Variants in MICAL3 observed in about 807,000 individuals in gnomAD.
MICAL3 encodes [F-actin]-monooxygenase MICAL3.
Under a neutral mutation model 207.4 loss-of-function variants are expected in MICAL3, and 62 were observed. The ratio of observed to expected loss-of-function variants is 0.30; its 90% CI spans 0.24 to 0.37. MICAL3 has a LOEUF of 0.37. Among genes scored for constraint, MICAL3 ranks in the 10% least tolerant of loss-of-function variants. The probability of loss-of-function intolerance (pLI) is 1.00; values close to 1 mark genes in which losing one functional copy is unlikely to be tolerated. For missense variants in MICAL3, 2,368 were observed against 2,635.6 expected, an observed-to-expected ratio of 0.90 and a Z score of 2.22; for synonymous variants, 1,077 against 1,069.3, an observed-to-expected ratio of 1.01 and a Z score of -0.14.
At position 17,999,550 on chromosome 22, in the gene MICAL3, C is replaced by G. The variant is rs1029180193; in HGVS notation, c.-75+24731G>C. ...TGTTTATTGAACATCTGCTACGTGC[C>G]AAGGACTGTGCTAAGTTCTTCACGT... On this transcript the variant is annotated intron_variant, in intron 1 of 31. Coordinates refer to ENST00000441493, the MANE Select transcript of MICAL3 (RefSeq NM_015241.3). Among the ~76,000 whole-genome samples the G allele has an allele frequency of 7.2e-5, 11 of 152,174 alleles. 1 individual carries two copies. The highest frequency in any genetic ancestry group is 2.4e-4 in the African/African-American group (10 of 41,430).
chr22:17,795,429 A>C (rs895011056), intron 29 of MICAL3, among the ~76,000 whole-genome samples: 1 of 152,230 alleles, frequency 6.6e-6, no homozygotes, highest in Non-Finnish European at 1.5e-5. Flanking sequence ...ATACACAACC[A>C]AACACATCCA....
At chr22:17,938,767 A>G (rs569587331) in intron 1 of MICAL3, among the ~76,000 whole-genome samples, 1 of 152,292 alleles carries the variant, frequency 6.6e-6, no homozygotes, top group East Asian at 1.9e-4. Flanking sequence ...TCCTGGCTCA[A>G]GCTGACATCT....
rs761586616 is a variant in MICAL3 at position 17,821,557 on chromosome 22, G to T, written c.3449-48C>A. ...CTTACAAGAGGAAGCCCCCCCATGT[G>T]CCAGGAAGGCACCCCTATCAGCCAG... On this transcript the variant is annotated intron_variant, in intron 24 of 31. Coordinates refer to ENST00000441493, the MANE Select transcript of MICAL3 (RefSeq NM_015241.3). The T allele has an allele frequency of 5.5e-6, 8 of 1,463,582 alleles. No individual in the cohort carries two copies. In the South Asian group the frequency reaches 8.9e-5, roughly 16 times the overall value. 90.7% of individuals were successfully genotyped at this position (1,463,582 alleles called of 1,614,324 possible).
Position 17,896,851 on chromosome 22 carries a change from T to C in MICAL3, c.1079A>G (p.His360Arg). 6.2e-7 allele frequency: 1 copy of C among 1,614,152 alleles called. No homozygotes were observed. Among genetic ancestry groups the C allele is most frequent in the African/African-American group, 1.3e-5 (1 of 75,042 alleles). Residue 360 changes from histidine (H) to arginine (R), a missense_variant, in exon 8 of 32, where the codon CAC becomes CGC. His to Arg is a conservative substitution (Grantham distance 29, BLOSUM62 0). This residue lies in a region of MICAL3 where 400 missense variants were observed against 547.0 expected (regional missense o/e 0.73). Transcript: ENST00000441493. ...CATGGCCACATCGGGCTGCCCATAGTGATTGATGGCAAAATCCAGAGACGG... is the reference window on the plus strand; with the variant it reads ...CATGGCCACATCGGGCTGCCCATAGCGATTGATGGCAAAATCCAGAGACGG... ...QLPSLDFAIN[H>R]YGQPDVAMFD...
chr22:17,951,845 C>T lies in MICAL3; in HGVS notation c.-74-44959G>A, dbSNP rs181182094. 9.2e-5 allele frequency among the ~76,000 whole-genome samples: 14 copies of T among 151,958 alleles called. No individual in the cohort carries two copies. In the East Asian group the frequency reaches 1.9e-3, roughly 21 times the overall value. ...CTGAGTAGCTGGGATTACAGGCGCCCGCCACCACACCCGGTTAATTTTTGT... is the reference window on the plus strand; with the variant it reads ...CTGAGTAGCTGGGATTACAGGCGCCTGCCACCACACCCGGTTAATTTTTGT... On this transcript the variant is annotated intron_variant, in intron 1 of 31. Coordinates refer to ENST00000441493, the MANE Select transcript of MICAL3 (RefSeq NM_015241.3).
intron 1 of MICAL3, among the ~76,000 whole-genome samples, chr22:17,948,429 G>A (rs1329028575): frequency 6.6e-6 from 1 of 152,148 alleles, no homozygotes; most frequent in Non-Finnish European, 1.5e-5. Context: ...TGCCAAGGTG[G>A]CAGTGCTCTC....
intron 22 of MICAL3, among the ~76,000 whole-genome samples, chr22:17,826,771 A>G (rs932963783): frequency 6.6e-6 from 1 of 152,362 alleles, no homozygotes; most frequent in Middle Eastern, 3.4e-3. Context: ...TCCCCAGCTC[A>G]CAGGCCAGCC....
intron 1 of MICAL3, among the ~76,000 whole-genome samples, chr22:17,976,702 CT>C (rs35552062): frequency 0.17 from 24,887 of 145,970 alleles, 2,473 homozygotes; most frequent in Middle Eastern, 0.27. Flanking sequence ...TTAGTTTCTG[CT>C]TTCAAAGGAT....
Position 17,945,611 on chromosome 22 carries a change from C to T in MICAL3, c.-74-38725G>A, listed in dbSNP as rs115005891. Among the ~76,000 whole-genome samples, 510 of 152,292 alleles carry T rather than the reference C, an allele frequency of 3.3e-3. 4 individuals carry two copies. The highest frequency in any genetic ancestry group is 0.011 in the African/African-American group (475 of 41,562). On this transcript the variant is annotated intron_variant, in intron 1 of 31. Transcript: ENST00000441493. ...GATGTGGAGAGCAAGGGGTAACACGCGCCCTACTGCCCAGGGAGGGGAGGG... is the reference window on the plus strand; with the variant it reads ...GATGTGGAGAGCAAGGGGTAACACGTGCCCTACTGCCCAGGGAGGGGAGGG...
At chr22:17,826,364 C>T in intron 22 of MICAL3, 1 of 755,764 alleles carries the variant, frequency 1.3e-6, no homozygotes, top group Non-Finnish European at 1.6e-6. Context: ...GCACTTGCAA[C>T]AGGCCCAGGA....
chr22:17,798,982 C>A (rs2061908750), intron 29 of MICAL3, among the ~76,000 whole-genome samples: 1 of 152,128 alleles, frequency 6.6e-6, no homozygotes, highest in African/African-American at 2.4e-5. Context: ...CAGAGCAATG[C>A]CTTTTTATTG....
chr22:17,804,843 T>G (rs1428528364), intron 29 of MICAL3, among the ~76,000 whole-genome samples: 1 of 152,224 alleles, frequency 6.6e-6, no homozygotes, highest in Non-Finnish European at 1.5e-5. Flanking sequence ...AATGCGGTCC[T>G]GCCCCAGTTT....
In MICAL3 at chr22:17,841,422, C is replaced by T. The variant is rs2146072906; in HGVS notation, c.2801+400G>A. 2.8e-6 allele frequency: 1 copy of T among 352,288 alleles called. No homozygotes were observed. Among genetic ancestry groups the T allele is most frequent in the Non-Finnish European group, 5.2e-6 (1 of 193,000 alleles). The allele number at this position is 352,288 out of a possible 1,614,324, so 21.8% of individuals were successfully genotyped here. A position where few individuals can be genotyped will look rare whatever the true frequency, so the allele number is the denominator to read the frequency against. On this transcript the variant is annotated intron_variant, in intron 20 of 31. Coordinates refer to ENST00000441493, the MANE Select transcript of MICAL3 (RefSeq NM_015241.3). This position sits in a 1 kb window ranked among gnomAD's most constrained non-coding sequence, Gnocchi z 4.2. ...TTTACCTACAGGAGAAAAAAAGATG[C>T]CTGGGGGACGGACTAGGCCTCCCTC...
At chr22:17,862,943 AC>A (rs1926675631) in intron 19 of MICAL3, 1 of 984,668 alleles carries the variant, frequency 1.0e-6, no homozygotes, top group African/African-American at 1.8e-5. Flanking sequence ...ATACCAAGTC[AC>A]CTTCTGGCTC....
chr22:17,886,625 T>C (rs1929892419), intron 15 of MICAL3, among the ~76,000 whole-genome samples: 1 of 151,770 alleles, frequency 6.6e-6, no homozygotes, highest in South Asian at 2.1e-4. Flanking sequence ...GCCAGCATGG[T>C]GAAAATCCGT....
intron 17 of MICAL3, among the ~76,000 whole-genome samples, chr22:17,866,598 C>G (rs1317228369): frequency 1.9e-5 from 2 of 106,454 alleles, no homozygotes; most frequent in Non-Finnish European, 3.8e-5. Context: ...TGGAAGGGAA[C>G]AGCATAGAAC....
chr22:17,877,519 TTAGG>T (rs1928921860), intron 16 of MICAL3, among the ~76,000 whole-genome samples: 1 of 139,698 alleles, frequency 7.2e-6, no homozygotes. Context: ...GTTAGGGAGG[TTAGG>T]GAGGTGAGGG....
At chr22:18,019,293 T>C (rs971440938) in intron 1 of MICAL3, 1 of 155,572 alleles carries the variant, frequency 6.4e-6, no homozygotes, top group Admixed American at 6.5e-5. Flanking sequence ...GCCACATCAA[T>C]GAAAAGTTCT....
chr22:17,863,444 T>G, intron 19 of MICAL3: 2 of 985,448 alleles, frequency 2.0e-6, no homozygotes, highest in Non-Finnish European at 2.4e-6. Flanking sequence ...TCTCTACCAG[T>G]GATTCTGCCC....
Sources: allele counts gnomAD v4.1 joint callset (sites outside exome capture counted in the v4.1 genomes callset), GRCh38; gene constraint gnomAD v4.1.1; regional missense constraint gnomAD v4.1.1; non-coding constraint Gnocchi (gnomAD v3.1); transcripts MANE v1.5; gene names NCBI Gene and HGNC (gene_info 2026-07-23, HGNC 2026-07-21).